The following HEMK2 variants were observed in gnomAD, a reference collection of about 807,000 sequenced individuals.
HEMK2 encodes HemK methyltransferase 2, ETF1 glutamine and histone H4 lysine.
the HEMK2 span, among the ~76,000 whole-genome samples, chr21:28,774,396 T>TG: frequency 6.6e-6 from 1 of 152,130 alleles, no homozygotes; most frequent in Admixed American, 6.6e-5. Flanking sequence ...AAGACCAGGC[T>TG]GGGCAACATG....
the HEMK2 span, among the ~76,000 whole-genome samples, chr21:28,703,544 T>C: frequency 6.6e-6 from 1 of 152,192 alleles, no homozygotes; most frequent in African/African-American, 2.4e-5. Context: ...GACATTGTAT[T>C]ATGAAATAAG....
At chr21:28,728,677 T>A in the HEMK2 span, among the ~76,000 whole-genome samples, 1 of 152,162 alleles carries the variant, frequency 6.6e-6, no homozygotes, top group Non-Finnish European at 1.5e-5. Context: ...TTTTGAAAAA[T>A]GTCTGTTAAA....
chr21:28,645,557 GT>G, the HEMK2 span, among the ~76,000 whole-genome samples: 269 of 149,062 alleles, frequency 1.8e-3, 1 homozygote, highest in African/African-American at 4.1e-3. Flanking sequence ...CAACTTAGCT[GT>G]TTTTTTTTTA....
the HEMK2 span, among the ~76,000 whole-genome samples, chr21:28,799,783 A>T: frequency 6.6e-6 from 1 of 152,174 alleles, no homozygotes; most frequent in Non-Finnish European, 1.5e-5. Flanking sequence ...TTTTTAACTT[A>T]TCCTCTCATT....
chr21:28,818,465 A>C, the HEMK2 span, among the ~76,000 whole-genome samples: 2 of 151,898 alleles, frequency 1.3e-5, no homozygotes, highest in East Asian at 3.9e-4. Context: ...TATATGTATA[A>C]CCTATTAGTT....
the HEMK2 span, among the ~76,000 whole-genome samples, chr21:28,753,936 C>T: frequency 1.3e-5 from 2 of 152,144 alleles, no homozygotes; most frequent in Non-Finnish European, 2.9e-5. Context: ...TTTTTCATGG[C>T]GTGCAATAAT....
chr21:28,701,546 CCACACACACACATACACACACACACACA>C, the HEMK2 span, among the ~76,000 whole-genome samples: 400 of 119,958 alleles, frequency 3.3e-3, 4 homozygotes, highest in African/African-American at 0.014. Flanking sequence ...TTCACAATAG[CCACACACACACATACACACACACACACA>C]CACACACACA....
the HEMK2 span, among the ~76,000 whole-genome samples, chr21:28,831,682 AGAAG>A: frequency 8.9e-4 from 18 of 20,328 alleles, no homozygotes; most frequent in East Asian, 4.9e-3. Flanking sequence ...AAAGAAAGAA[AGAAG>A]GAAGGAAGGA....
chr21:28,743,797 T>G, the HEMK2 span, among the ~76,000 whole-genome samples: 4 of 152,334 alleles, frequency 2.6e-5, no homozygotes, highest in East Asian at 7.7e-4. Flanking sequence ...GCTTGGATCA[T>G]GCAAATGTGT....
At chr21:28,734,987 G>T in the HEMK2 span, among the ~76,000 whole-genome samples, 1 of 152,174 alleles carries the variant, frequency 6.6e-6, no homozygotes, top group Non-Finnish European at 1.5e-5. Flanking sequence ...CTGTGGGTTG[G>T]TCAGGTGGCC....
the HEMK2 span, among the ~76,000 whole-genome samples, chr21:28,634,805 A>C: frequency 6.6e-6 from 1 of 152,184 alleles, no homozygotes; most frequent in African/African-American, 2.4e-5. Flanking sequence ...AATATACTGC[A>C]TATAAAGTTT....
At chr21:28,688,572 A>C in the HEMK2 span, among the ~76,000 whole-genome samples, 8 of 151,946 alleles carry the variant, frequency 5.3e-5, no homozygotes, top group African/African-American at 1.9e-4. Flanking sequence ...ATCTAGGATG[A>C]CACATACTAG....
At chr21:28,701,052 T>G in the HEMK2 span, among the ~76,000 whole-genome samples, 1 of 152,140 alleles carries the variant, frequency 6.6e-6, no homozygotes, top group Non-Finnish European at 1.5e-5. Context: ...AAAAACCATA[T>G]GATTATCTCA....
chr21:28,716,473 A>C, the HEMK2 span, among the ~76,000 whole-genome samples: 2 of 152,212 alleles, frequency 1.3e-5, no homozygotes, highest in East Asian at 3.9e-4. Flanking sequence ...TGATTTTTCT[A>C]CTTTGATTTT....
chr21:28,801,388 T>G, the HEMK2 span, among the ~76,000 whole-genome samples: 1 of 152,232 alleles, frequency 6.6e-6, no homozygotes, highest in Non-Finnish European at 1.5e-5. Flanking sequence ...AAACATTCTT[T>G]TTTTAAAAGG....
the HEMK2 span, among the ~76,000 whole-genome samples, chr21:28,616,995 G>A: frequency 6.6e-6 from 1 of 152,186 alleles, no homozygotes; most frequent in Non-Finnish European, 1.5e-5. Context: ...ATAGAGCTTA[G>A]GCTCCAGTGA....
At chr21:28,730,203 C>CT in the HEMK2 span, among the ~76,000 whole-genome samples, 31 of 43,780 alleles carry the variant, frequency 7.1e-4, no homozygotes, top group South Asian at 0.015. Flanking sequence ...CATAGTGAGA[C>CT]CCCCATTGCC....
the HEMK2 span, among the ~76,000 whole-genome samples, chr21:28,775,023 T>A: frequency 6.6e-6 from 1 of 152,136 alleles, no homozygotes; most frequent in Non-Finnish European, 1.5e-5. Flanking sequence ...AATGGAAAAA[T>A]TTACAGTATA....
At chr21:28,743,606 G>A in the HEMK2 span, among the ~76,000 whole-genome samples, 1 of 152,082 alleles carries the variant, frequency 6.6e-6, no homozygotes, top group Non-Finnish European at 1.5e-5. Context: ...AAGAGAGGAA[G>A]GGAGGGAGGA....
Sources: allele counts gnomAD v4.1 joint callset (sites outside exome capture counted in the v4.1 genomes callset), GRCh38; gene constraint gnomAD v4.1.1; transcripts MANE v1.5; gene names NCBI Gene and HGNC (gene_info 2026-07-23, HGNC 2026-07-21).